Variants in MGMT observed in about 807,000 individuals in gnomAD.
The protein encoded by MGMT is O-6-methylguanine-DNA methyltransferase.
In MGMT, 14 loss-of-function variants were observed where a neutral mutation model predicts 15.9. The ratio of observed to expected loss-of-function variants is 0.88; its 90% confidence interval spans 0.58 to 1.37. MGMT has a LOEUF of 1.37. Ranked by LOEUF, MGMT falls within the 40% of genes most tolerant of loss-of-function variation. MGMT has a pLI of 0.00. For synonymous variants in MGMT, 130 were observed against 118.2 expected, an observed-to-expected ratio of 1.10 and a Z score of -0.65; for missense variants, 282 against 268.1, an observed-to-expected ratio of 1.05 and a Z score of -0.36.
chr10:129,611,363 GGGGGAGGT>G (rs1846957373), intron 2 of MGMT, among the ~76,000 whole-genome samples: 1 of 152,148 alleles, frequency 6.6e-6, no homozygotes, highest in Non-Finnish European at 1.5e-5. Flanking sequence ...AGAGAGTGAA[GGGGGAGGT>G]GCCACACACT....
intron 2 of MGMT, among the ~76,000 whole-genome samples, chr10:129,539,015 T>A (rs1255482232): frequency 1.3e-5 from 2 of 152,248 alleles, no homozygotes; most frequent in Admixed American, 1.3e-4. Flanking sequence ...GATGTAAGAC[T>A]TTTGTCAGAT....
At chr10:129,639,709 C>T (rs1847304919) in intron 2 of MGMT, among the ~76,000 whole-genome samples, 1 of 152,028 alleles carries the variant, frequency 6.6e-6, no homozygotes, top group Non-Finnish European at 1.5e-5. Flanking sequence ...AAATTTATAA[C>T]ATTAAGTTTT....
chr10:129,605,182 A>G (rs1198529277), intron 2 of MGMT, among the ~76,000 whole-genome samples: 1 of 152,212 alleles, frequency 6.6e-6, no homozygotes, highest in African/African-American at 2.4e-5. Context: ...AAGAAAGAAA[A>G]AGAGGAAATG....
intron 2 of MGMT, among the ~76,000 whole-genome samples, chr10:129,577,149 T>G (rs1028526432): frequency 6.6e-5 from 10 of 152,308 alleles, no homozygotes; most frequent in African/African-American, 2.4e-4. Flanking sequence ...CCCATCAAGC[T>G]ACCAATGACT....
chr10:129,665,146 C>CACCCACTCCTTCAGTCACCA (rs1847642516), intron 2 of MGMT, among the ~76,000 whole-genome samples: 1 of 151,236 alleles, frequency 6.6e-6, no homozygotes, highest in African/African-American at 2.4e-5. Context: ...TTCAGTCACC[C>CACCCACTCCTTCAGTCACCA]ACCCACTCCA....
intron 3 of MGMT, among the ~76,000 whole-genome samples, chr10:129,740,796 G>A (rs1213147926): frequency 6.6e-6 from 1 of 152,146 alleles, no homozygotes; most frequent in African/African-American, 2.4e-5. Context: ...CCTGCAGAGT[G>A]GATGATGGGG....
At chr10:129,493,416 T>G (rs186523658) in intron 1 of MGMT, among the ~76,000 whole-genome samples, 7 of 152,312 alleles carry the variant, frequency 4.6e-5, no homozygotes, top group Admixed American at 4.6e-4. Flanking sequence ...CCCGATTCTC[T>G]TTGGATTGCC....
intron 2 of MGMT, among the ~76,000 whole-genome samples, chr10:129,684,786 A>G (rs1026648688): frequency 6.6e-6 from 1 of 152,238 alleles, no homozygotes; most frequent in Non-Finnish European, 1.5e-5. Flanking sequence ...CTCATGGTTC[A>G]ACATCACCAG....
chr10:129,511,815 G>T lies in MGMT; in HGVS notation c.-12-24426G>T, dbSNP rs76141998. On this transcript the variant is annotated intron_variant, in intron 1 of 4. Coordinates refer to ENST00000651593, the MANE Select transcript of MGMT (RefSeq NM_002412.5). ...CCCCCCTATGCAAAGTGGCGTCTGG[G>T]CTGGCAGCATCACCTGGGCCTACCC... is the stretch of plus-strand genomic sequence containing the variant. Among the ~76,000 whole-genome samples the T allele has an allele frequency of 9.9e-3, 1,509 of 152,286 alleles. 25 individuals carry two copies. Among genetic ancestry groups the T allele is most frequent in the South Asian group, 0.041 (197 of 4,820 alleles).
chr10:129,770,643 C>T lies in MGMT; in HGVS notation c.*3646C>T, dbSNP rs1848990061. Among the ~76,000 whole-genome samples the T allele has an allele frequency of 6.6e-6, 1 of 152,244 alleles. No individual in the cohort carries two copies. Among genetic ancestry groups the T allele is most frequent in the Non-Finnish European group, 1.5e-5 (1 of 68,044 alleles). On this transcript the variant is annotated 3_prime_UTR_variant, in exon 5 of 5. Coordinates refer to ENST00000651593, the MANE Select transcript of MGMT (RefSeq NM_002412.5). ...GCTACAGATCTTAGTGCTACTTGGGCTTCTCACAGCACAGAGGAGGATTCT... is the reference window on the plus strand; with the variant it reads ...GCTACAGATCTTAGTGCTACTTGGGTTTCTCACAGCACAGAGGAGGATTCT...
rs1845958398 is a variant in MGMT, at chr10:129,533,875, G to A, written c.-12-2366G>A. Among the ~76,000 whole-genome samples, 1 of 152,126 alleles carries A rather than the reference G, an allele frequency of 6.6e-6. No homozygotes were observed. Among genetic ancestry groups the A allele is most frequent in the Non-Finnish European group, 1.5e-5 (1 of 68,042 alleles). On this transcript the variant is annotated intron_variant, in intron 1 of 4. Transcript: ENST00000651593. The surrounding 1 kb of genome is among the most constrained non-coding windows in gnomAD (Gnocchi z 4.5). ...AGAAATGGAGATGGGAGAAGGGGAGGCAGTCACTTTGGAAGAATGGGCGGG... is the reference window on the plus strand; with the variant it reads ...AGAAATGGAGATGGGAGAAGGGGAGACAGTCACTTTGGAAGAATGGGCGGG...
intron 2 of MGMT, among the ~76,000 whole-genome samples, chr10:129,574,241 G>A (rs1009298751): frequency 2.0e-5 from 3 of 152,188 alleles, no homozygotes; most frequent in Admixed American, 6.5e-5. Context: ...GACCTTTTAC[G>A]AGTGAGCAAA....
chr10:129,573,627 G>A (rs1005170088), intron 2 of MGMT, among the ~76,000 whole-genome samples: 2 of 151,976 alleles, frequency 1.3e-5, no homozygotes, highest in Non-Finnish European at 2.9e-5. Context: ...AATTTAAAGA[G>A]TCTTGGTTGG....
In MGMT at chr10:129,702,444, G is replaced by A. The variant is rs554753786; in HGVS notation, c.126-5451G>A. 2.6e-5 allele frequency among the ~76,000 whole-genome samples: 4 copies of A among 152,342 alleles called. No individual in the cohort carries two copies. The East Asian group carries it at 5.8e-4, about 22-fold the overall frequency. On this transcript the variant is annotated intron_variant, in intron 2 of 4. Transcript: ENST00000651593. The stretch of plus-strand genomic sequence containing the variant: ...CTCGGGATTATTCTGTGGGTGACAC[G>A]TGATGTCCTAGGAGAGGCCTAGGGG...
At chr10:129,632,580 G>T (rs1250391379) in intron 2 of MGMT, among the ~76,000 whole-genome samples, 1 of 152,226 alleles carries the variant, frequency 6.6e-6, no homozygotes, top group East Asian at 1.9e-4. Context: ...ATATTTAAAT[G>T]CTGCGTACGT....
chr10:129,578,033 A>G (rs1846507074), intron 2 of MGMT, among the ~76,000 whole-genome samples: 1 of 152,216 alleles, frequency 6.6e-6, no homozygotes, highest in Non-Finnish European at 1.5e-5. Flanking sequence ...TCAGGAAACA[A>G]CAGGTGCTGG....
chr10:129,711,853 A>C (rs537622728), intron 3 of MGMT, among the ~76,000 whole-genome samples: 1 of 152,180 alleles, frequency 6.6e-6, no homozygotes, highest in Non-Finnish European at 1.5e-5. Flanking sequence ...TGAAGCCATT[A>C]TTTTTGAAAT....
At chr10:129,473,292 G>A (rs1845253030) in intron 1 of MGMT, among the ~76,000 whole-genome samples, 1 of 152,204 alleles carries the variant, frequency 6.6e-6, no homozygotes, top group Non-Finnish European at 1.5e-5. Flanking sequence ...TCGTGTGTTT[G>A]TGGAAATGGG....
At chr10:129,597,780 G>A (rs12780525) in intron 2 of MGMT, among the ~76,000 whole-genome samples, 8,669 of 152,264 alleles carry the variant, frequency 0.057, 347 homozygotes, top group Admixed American at 0.08. Flanking sequence ...GCCTTGGAAA[G>A]TGTGACATAC....
Sources: allele counts gnomAD v4.1 joint callset (sites outside exome capture counted in the v4.1 genomes callset), GRCh38; gene constraint gnomAD v4.1.1; non-coding constraint Gnocchi (gnomAD v3.1); transcripts MANE v1.5; gene names NCBI Gene and HGNC (gene_info 2026-07-23, HGNC 2026-07-21).